CDH18: variants seen among roughly 807,000 people sequenced by gnomAD.
CDH18 encodes the protein cadherin-18.
In CDH18, 31 loss-of-function variants were observed where a neutral mutation model predicts 67.9. The ratio of observed to expected loss-of-function variants is 0.46; its 90% confidence interval spans 0.34 to 0.62. The LOEUF (loss-of-function observed/expected upper bound fraction) is 0.62, where lower values mean the gene tolerates loss of function less well. Among genes scored for constraint, CDH18 ranks in the 20% least tolerant of loss-of-function variants. The probability of loss-of-function intolerance (pLI) is 0.01; values close to 1 mark genes in which losing one functional copy is unlikely to be tolerated. For synonymous variants in CDH18, 362 were observed against 347.2 expected, an observed-to-expected ratio of 1.04 and a Z score of -0.48; for missense variants, 890 against 975.5, an observed-to-expected ratio of 0.91 and a Z score of 1.17.
chr5:20,526,199 AG>A (rs1161970284), intron 1 of CDH18, among the ~76,000 whole-genome samples: 7 of 152,084 alleles, frequency 4.6e-5, no homozygotes, highest in Non-Finnish European at 1.0e-4. Flanking sequence ...CCTTTTCACC[AG>A]GCAGGGCCTC....
At chr5:20,512,267 T>G (rs1347165121) in intron 1 of CDH18, among the ~76,000 whole-genome samples, 1 of 152,122 alleles carries the variant, frequency 6.6e-6, no homozygotes, top group Non-Finnish European at 1.5e-5. Flanking sequence ...GTATCTATTT[T>G]TCTGAAATTT....
At chr5:19,844,965 T>C (rs1782755855) in intron 2 of CDH18, among the ~76,000 whole-genome samples, 1 of 152,178 alleles carries the variant, frequency 6.6e-6, no homozygotes, top group South Asian at 2.1e-4. Context: ...CTTCTGGTGT[T>C]TGAAACATTT....
rs34718835 is a variant in CDH18, at chr5:20,266,571, A to ATTTTTTTTTTTTTTTTTTTTTTTTT, written c.-579-11091_-579-11067dup. 2.0e-4 allele frequency among the ~76,000 whole-genome samples: 12 copies of ATTTTTTTTTTTTTTTTTTTTTTTTT among 59,182 alleles called. 1 individual carries two copies. The highest frequency in any genetic ancestry group is 8.7e-4 in the Admixed American group (3 of 3,440). 38.8% of individuals were successfully genotyped at this position (59,182 alleles called of 152,430 possible). The stretch of plus-strand genomic sequence containing the variant: ...GGCACGTGCCGGCACGCCCGGCTGA[A>ATTTTTTTTTTTTTTTTTTTTTTTTT]TTTTTTTTTTTTTTTTTTTTTTTTT... On this transcript the variant is annotated intron_variant, in intron 1 of 14. Coordinates refer to the CDH18 transcript ENST00000507958.
chr5:19,510,236 G>T (rs1354911052), intron 10 of CDH18, among the ~76,000 whole-genome samples: 2 of 152,108 alleles, frequency 1.3e-5, no homozygotes, highest in Non-Finnish European at 2.9e-5. Flanking sequence ...GTGTTTTCAA[G>T]ATATGGTTAA....
intron 3 of CDH18, among the ~76,000 whole-genome samples, chr5:19,799,094 A>T (rs961322662): frequency 1.3e-5 from 2 of 152,170 alleles, no homozygotes; most frequent in Middle Eastern, 3.4e-3. Context: ...TGTCACCATT[A>T]GCAACAATAT....
chr5:19,691,111 C>T (rs180987730), intron 5 of CDH18, among the ~76,000 whole-genome samples: 18 of 151,716 alleles, frequency 1.2e-4, no homozygotes, highest in African/African-American at 3.4e-4. Flanking sequence ...ATGCAAGCAC[C>T]GATTGTTTAA....
chr5:20,419,080 C>T (rs1412287809), intron 1 of CDH18, among the ~76,000 whole-genome samples: 3 of 151,774 alleles, frequency 2.0e-5, no homozygotes, highest in Admixed American at 6.6e-5. Context: ...GGGACCCATG[C>T]GGAGGTAATT....
chr5:19,972,060 A>G (rs1409956370), intron 2 of CDH18, among the ~76,000 whole-genome samples: 1 of 152,110 alleles, frequency 6.6e-6, no homozygotes, highest in Non-Finnish European at 1.5e-5. Context: ...CTAAGTAAAC[A>G]AAGATGATAC....
At chr5:20,049,300 A>G (rs1165092381) in intron 2 of CDH18, among the ~76,000 whole-genome samples, 1 of 151,608 alleles carries the variant, frequency 6.6e-6, no homozygotes, top group Non-Finnish European at 1.5e-5. Flanking sequence ...ACAAAACAAC[A>G]GCAACAAAAA....
intron 6 of CDH18, among the ~76,000 whole-genome samples, chr5:19,599,662 G>A (rs1449556363): frequency 6.6e-6 from 1 of 152,074 alleles, no homozygotes; most frequent in African/African-American, 2.4e-5. Flanking sequence ...CAGCACTTTG[G>A]GAGGCCGAGG....
intron 1 of CDH18, among the ~76,000 whole-genome samples, chr5:20,424,032 GA>G (rs1286284027): frequency 2.0e-5 from 3 of 147,768 alleles, no homozygotes; most frequent in African/African-American, 7.7e-5. Flanking sequence ...CTTGGAAGAT[GA>G]AGTGAAGATC....
At chr5:19,871,720 C>T (rs1049773750) in intron 2 of CDH18, among the ~76,000 whole-genome samples, 11 of 152,074 alleles carry the variant, frequency 7.2e-5, no homozygotes, top group African/African-American at 2.7e-4. Context: ...ATGTCTTCTG[C>T]ATTCAGCCAA....
intron 2 of CDH18, among the ~76,000 whole-genome samples, chr5:20,157,280 C>T (rs1455389584): frequency 6.6e-6 from 1 of 152,184 alleles, no homozygotes; most frequent in Non-Finnish European, 1.5e-5. Flanking sequence ...AGATTGACTA[C>T]TGCATTCAGA....
At chr5:19,684,865 T>C (rs539767314) in intron 5 of CDH18, among the ~76,000 whole-genome samples, 1 of 152,310 alleles carries the variant, frequency 6.6e-6, no homozygotes, top group African/African-American at 2.4e-5. Flanking sequence ...CTTTTATCTT[T>C]CCATTCCTTA....
chr5:19,849,530 T>G (rs1051122485), intron 2 of CDH18, among the ~76,000 whole-genome samples: 14 of 151,554 alleles, frequency 9.2e-5, no homozygotes, highest in Admixed American at 7.9e-4. Flanking sequence ...GTACGCTTTG[T>G]GTTGAATTTG....
chr5:20,281,348 A>C (rs1580657658), intron 1 of CDH18, among the ~76,000 whole-genome samples: 1 of 152,154 alleles, frequency 6.6e-6, no homozygotes, highest in Non-Finnish European at 1.5e-5. Flanking sequence ...TAGGTCTAAC[A>C]TTTAAGTCTT....
At chr5:20,413,084 A>G (rs908305150) in intron 1 of CDH18, among the ~76,000 whole-genome samples, 2 of 152,198 alleles carry the variant, frequency 1.3e-5, no homozygotes, top group Admixed American at 6.5e-5. Flanking sequence ...TCCTTGGGAT[A>G]GTTTGCTCAG....
intron 12 of CDH18, among the ~76,000 whole-genome samples, chr5:19,478,821 G>A (rs887460747): frequency 6.6e-6 from 1 of 152,156 alleles, no homozygotes; most frequent in African/African-American, 2.4e-5. Flanking sequence ...CTGGGAGGGA[G>A]AGAGGATTTC....
At chr5:19,967,898 A>T (rs1797615685) in intron 2 of CDH18, among the ~76,000 whole-genome samples, 2 of 152,076 alleles carry the variant, frequency 1.3e-5, no homozygotes, top group Admixed American at 1.3e-4. Flanking sequence ...AGGAAGTCAA[A>T]TTGTCCCTGT....
Sources: gnomAD v4.1 joint callset for allele counts (sites outside exome capture counted in the v4.1 genomes callset) on GRCh38, gnomAD v4.1.1 for gene constraint, MANE v1.5 for transcripts, NCBI Gene and HGNC (gene_info 2026-07-23, HGNC 2026-07-21) for gene names.